Variants in DISP3 observed in about 807,000 individuals in gnomAD.
The protein encoded by DISP3 is dispatched RND transporter family member 3.
In DISP3, 101 loss-of-function variants were observed where a neutral mutation model predicts 135.3. The ratio of observed to expected loss-of-function variants is 0.75; its 90% CI spans 0.64 to 0.88. DISP3 has a LOEUF of 0.88. DISP3 is among the 40% of genes least tolerant of loss of function. The pLI, the probability that DISP3 is intolerant of heterozygous loss-of-function variation, is 0.00. For missense variants in DISP3, 1,713 were observed against 1,878.6 expected, an observed-to-expected ratio of 0.91 and a Z score of 1.63; for synonymous variants, 856 against 817.0, an observed-to-expected ratio of 1.05 and a Z score of -0.81.
Position 11,520,563 on chromosome 1 carries a change from C to T in DISP3, c.2201-124C>T. ...CCACGGGCTGGCATGCAGGGCCTTCCCCCGCACCCTTAGGACACCCGCCCC... is the reference window on the plus strand; with the variant it reads ...CCACGGGCTGGCATGCAGGGCCTTCTCCCGCACCCTTAGGACACCCGCCCC... On this transcript the variant is annotated intron_variant, in intron 9 of 20. Transcript: ENST00000294484. The surrounding 1 kb of genome is among the most constrained non-coding windows in gnomAD (Gnocchi z 4.8). 1.8e-6 allele frequency: 2 copies of T among 1,090,556 alleles called. No homozygotes were observed. Among genetic ancestry groups the T allele is most frequent in the Non-Finnish European group, 2.6e-6 (2 of 765,852 alleles). 67.6% of individuals were successfully genotyped at this position (1,090,556 alleles called of 1,614,324 possible).
Position 11,491,157 on chromosome 1 carries a change from A to G in DISP3, c.-3-9833A>G, listed in dbSNP as rs1485368070. Among the ~76,000 whole-genome samples, 1 of 152,206 alleles carries G rather than the reference A, an allele frequency of 6.6e-6. No homozygotes were observed. The highest frequency in any genetic ancestry group is 1.5e-5 in the Non-Finnish European group (1 of 68,030). ...CCATACCCCGGACCTCCAGGGACACATGTGAGCCACGGTGGAGGGATGTGG... is the reference window on the plus strand; with the variant it reads ...CCATACCCCGGACCTCCAGGGACACGTGTGAGCCACGGTGGAGGGATGTGG... On this transcript the variant is annotated intron_variant, in intron 1 of 20. Coordinates refer to ENST00000294484, the MANE Select transcript of DISP3 (RefSeq NM_020780.2). The surrounding 1 kb of genome is among the most constrained non-coding windows in gnomAD (Gnocchi z 4.3).
intron 2 of DISP3, 120 bp downstream of exon 2, chr1:11,502,208 C>T (rs1055332154): frequency 7.1e-7 from 1 of 1,409,496 alleles, no homozygotes; most frequent in East Asian, 2.5e-5. Flanking sequence ...GAACTGAGTC[C>T]TGGGCATGGC....
At chr1:11,522,772 ACCCAGCCAGGG>A (rs1642266389) in intron 10 of DISP3, among the ~76,000 whole-genome samples, 59 of 14,970 alleles carry the variant, frequency 3.9e-3, no homozygotes, top group Non-Finnish European at 5.9e-3. Flanking sequence ...CCCAGCCAGG[ACCCAGCCAGGG>A]CCCAGCCAGA....
intron 19 of DISP3, 88 bp from the exon 20 acceptor site, chr1:11,535,390 G>T: frequency 6.7e-7 from 1 of 1,496,576 alleles, no homozygotes; most frequent in Non-Finnish European, 8.9e-7. Context: ...TGTCACCTGA[G>T]GGTGGGGGCT....
intron 12 of DISP3, among the ~76,000 whole-genome samples, 159 bp downstream of exon 12, chr1:11,525,471 T>C (rs1642387653): frequency 6.6e-6 from 1 of 152,228 alleles, no homozygotes; most frequent in South Asian, 2.1e-4. Context: ...GACAGGGACC[T>C]GCCGAGTGGT....
chr1:11,487,197 TC>T (rs1457828889), intron 1 of DISP3, among the ~76,000 whole-genome samples: 1 of 152,034 alleles, frequency 6.6e-6, no homozygotes, highest in Non-Finnish European at 1.5e-5. Flanking sequence ...TGAAAGAATG[TC>T]CCCCACCCCA....
chr1:11,480,793 G>A (rs1490014352), intron 1 of DISP3, among the ~76,000 whole-genome samples: 5 of 151,460 alleles, frequency 3.3e-5, no homozygotes, highest in Non-Finnish European at 7.4e-5. Context: ...ACCTGCCAGG[G>A]GACCAGGGGA....
intron 1 of DISP3, among the ~76,000 whole-genome samples, chr1:11,480,384 C>T (rs1640864844): frequency 6.6e-6 from 1 of 152,126 alleles, no homozygotes; most frequent in South Asian, 2.1e-4. Context: ...GAAAACAGTC[C>T]ACACACATAC....
intron 2 of DISP3, among the ~76,000 whole-genome samples, chr1:11,502,326 G>A (rs762965686): frequency 1.3e-5 from 2 of 152,234 alleles, no homozygotes; most frequent in Non-Finnish European, 2.9e-5. Context: ...GGGGGGTTCT[G>A]CTGTGGTCAG....
chr1:11,524,085 T>A, intron 11 of DISP3, 30 bp downstream of exon 11: 2 of 1,504,760 alleles, frequency 1.3e-6, no homozygotes, highest in Non-Finnish European at 1.8e-6. Flanking sequence ...GGTGGGGAAA[T>A]CCTCCCTGGT....
Position 11,519,682 on chromosome 1 carries a change from A to G in DISP3, c.2039-37A>G, listed in dbSNP as rs1642120898. ...CGAGCGTGGACCACAGTGGGCTTTG[A>G]TTCAGGCTCTGACGGGCCACTGCTC... On this transcript the variant is annotated intron_variant, in intron 8 of 20. Transcript: ENST00000294484. This position sits in a 1 kb window ranked among gnomAD's most constrained non-coding sequence, Gnocchi z 4.3. 1.9e-6 allele frequency: 3 copies of G among 1,600,568 alleles called. No homozygotes were observed. Among genetic ancestry groups the G allele is most frequent in the African/African-American group, 2.7e-5 (2 of 74,840 alleles).
At chr1:11,518,916 T>C (rs2072996) in intron 7 of DISP3, among the ~76,000 whole-genome samples, 21,812 of 152,080 alleles carry the variant, frequency 0.14, 1,905 homozygotes, top group East Asian at 0.46. Context: ...TAGGTTGAGC[T>C]GCGTCTCTCA....
At position 11,516,011 on chromosome 1, in the gene DISP3, T is replaced by C. The variant is rs1642001381; in HGVS notation, c.1599T>C (p.Asp533=). ...GACTCCCTCCCACAGGTGTGGACGA[T>C]GTCTTTGTGTTCATCAACACCTACC... ...AFVIVGIGVD[D]VFVFINTYRQ... Residue 533 remains aspartate (D), a synonymous_variant, in exon 6 of 21, where the codon GAT becomes GAC. Coordinates refer to ENST00000294484, the MANE Select transcript of DISP3 (RefSeq NM_020780.2). This position sits in a 1 kb window ranked among gnomAD's most constrained non-coding sequence, Gnocchi z 5.1. The C allele has an allele frequency of 6.2e-7, 1 of 1,613,842 alleles. No homozygotes were observed.
chr1:11,508,228 C>T (rs575226220), intron 3 of DISP3, among the ~76,000 whole-genome samples: 5 of 151,968 alleles, frequency 3.3e-5, no homozygotes, highest in African/African-American at 4.8e-5. Context: ...TAAGACCAGC[C>T]GGGGAAACAG....
Position 11,536,179 on chromosome 1 carries a change from C to G in DISP3, c.3817-145C>G. The G allele has an allele frequency of 8.1e-7, 1 of 1,232,422 alleles. No individual in the cohort carries two copies. Among genetic ancestry groups the G allele is most frequent in the Non-Finnish European group, 1.1e-6 (1 of 913,566 alleles). The allele number at this position is 1,232,422 out of a possible 1,614,324, so 76.3% of individuals were successfully genotyped here. On this transcript the variant is annotated intron_variant, in intron 20 of 20. Transcript: ENST00000294484. The surrounding 1 kb of genome is among the most constrained non-coding windows in gnomAD (Gnocchi z 4.3). ...TAGCAACACCTACCTGGTTCCTACC[C>G]TCCCAACCCTGGGAGGCCACTTGCA...
In DISP3 at chr1:11,515,724, GGTGGGAAAGGCCCAGGAAGT is replaced by G. The variant is rs111672073; in HGVS notation, c.1588+229_1588+248del. On this transcript the variant is annotated intron_variant, in intron 5 of 20. Coordinates refer to ENST00000294484, the MANE Select transcript of DISP3 (RefSeq NM_020780.2). ...AGGTTTGCTGGATGGAGGTGAGGAT[GGTGGGAAAGGCCCAGGAAGT>G]GTGGGAAGGAGGTCAGGATGTGGGG... is the stretch of plus-strand genomic sequence containing the variant. Among the ~76,000 whole-genome samples, 265 of 152,280 alleles carry G rather than the reference GGTGGGAAAGGCCCAGGAAGT, an allele frequency of 1.7e-3. 5 individuals carry two copies. The South Asian group carries it at 0.034, about 20-fold the overall frequency.
chr1:11,521,849 AT>A (rs1330654971), intron 10 of DISP3, among the ~76,000 whole-genome samples: 1 of 151,982 alleles, frequency 6.6e-6, no homozygotes, highest in African/African-American at 2.4e-5. Flanking sequence ...AGGGGTCTGG[AT>A]TTTATTCTGA....
At chr1:11,487,599 G>A (rs1641073477) in intron 1 of DISP3, among the ~76,000 whole-genome samples, 1 of 152,196 alleles carries the variant, frequency 6.6e-6, no homozygotes, top group Non-Finnish European at 1.5e-5. Flanking sequence ...TTCTCCCTCT[G>A]CAGACCTACT....
rs190661525 is a variant in DISP3, at chr1:11,483,201, C to T, written c.-4+3829C>T. Among the ~76,000 whole-genome samples, 239 of 152,250 alleles carry T rather than the reference C, an allele frequency of 1.6e-3. No individual in the cohort carries two copies. In the Middle Eastern group the frequency reaches 0.027, roughly 17 times the overall value. On this transcript the variant is annotated intron_variant, in intron 1 of 20. Transcript: ENST00000294484. This position sits in a 1 kb window ranked among gnomAD's most constrained non-coding sequence, Gnocchi z 5.4. ...CTGCACCAGCTGGAAGGTACACGGGCGGGAGGATTGAGAGGAATATGTGTC... is the reference window on the plus strand; with the variant it reads ...CTGCACCAGCTGGAAGGTACACGGGTGGGAGGATTGAGAGGAATATGTGTC...
Sources: gnomAD v4.1 joint callset for allele counts (sites outside exome capture counted in the v4.1 genomes callset) on GRCh38, gnomAD v4.1.1 for gene constraint, Gnocchi (gnomAD v3.1) non-coding constraint, MANE v1.5 for transcripts, NCBI Gene and HGNC (gene_info 2026-07-23, HGNC 2026-07-21) for gene names.